MTMR2: variants seen among roughly 807,000 people sequenced by gnomAD.
MTMR2 encodes the protein myotubularin related protein 2.
MTMR2 carries 55 observed loss-of-function variants against 86.9 expected under a neutral mutation model. The observed-to-expected ratio is 0.63, with a 90% CI of 0.51 to 0.79. The LOEUF is 0.79. Ranked by LOEUF, MTMR2 falls within the 30% of genes least tolerant of loss-of-function variation. The pLI, the probability that MTMR2 is intolerant of heterozygous loss-of-function variation, is 0.00. For missense variants in MTMR2, 659 were observed against 772.3 expected, an observed-to-expected ratio of 0.85 and a Z score of 1.74; for synonymous variants, 241 against 266.8, an observed-to-expected ratio of 0.90 and a Z score of 0.94.
chr11:95,835,598 C>G, intron 14 of MTMR2, 147 bp from the exon 15 acceptor site: 1 of 768,110 alleles, frequency 1.3e-6, no homozygotes, highest in Non-Finnish European at 2.2e-6. Context: ...AATACCGGGA[C>G]TGTGGACACC....
At chr11:95,875,091 G>C (rs946397297) in intron 2 of MTMR2, among the ~76,000 whole-genome samples, 2 of 151,906 alleles carry the variant, frequency 1.3e-5, no homozygotes, top group Admixed American at 1.3e-4. Context: ...TGCTCTTCTC[G>C]AGGAGTATCT....
In MTMR2 at chr11:95,847,803, G is replaced by A. The variant is rs776757548; in HGVS notation, c.1090C>T (p.Arg364Ter). 9 of 1,613,372 alleles carry A rather than the reference G, an allele frequency of 5.6e-6. No homozygotes were observed. The highest frequency in any genetic ancestry group is 1.7e-5 in the Admixed American group (1 of 59,970). Residue 364 changes from arginine to a stop codon, truncating the protein, a stop_gained, in exon 10 of 15, where the codon CGA (arginine) becomes TGA (stop). Coordinates refer to ENST00000346299, the MANE Select transcript of MTMR2 (RefSeq NM_016156.6). LOFTEE classifies it high-confidence loss of function. ...HNIHVMRESLRKLKEIVYPNI... is the reference protein window; with the variant it reads ...HNIHVMRESL ...GGGTACACAATCTCCTTAAGTTTTC[G>A]TAATGATTCTCTCATAACATGAATA...
At chr11:95,875,500 AT>A (rs575273419) in intron 2 of MTMR2, among the ~76,000 whole-genome samples, 3 of 150,556 alleles carry the variant, frequency 2.0e-5, no homozygotes, top group Non-Finnish European at 3.0e-5. Flanking sequence ...CATTCGTCTA[AT>A]TTTTTTTTCA....
At chr11:95,858,069 A>G (rs528768400) in intron 6 of MTMR2, among the ~76,000 whole-genome samples, 2 of 152,164 alleles carry the variant, frequency 1.3e-5, no homozygotes, top group Non-Finnish European at 2.9e-5. Flanking sequence ...TTCATCGCTA[A>G]ACAGGGATAA....
At chr11:95,888,720 T>TACACACACACACACACACACAC (rs139869459) in intron 1 of MTMR2, among the ~76,000 whole-genome samples, 2 of 136,784 alleles carry the variant, frequency 1.5e-5, no homozygotes, top group African/African-American at 6.5e-5. Flanking sequence ...CACACACACA[T>TACACACACACACACACACACAC]ACACACACAC....
rs1863078180 is a variant in MTMR2 at position 95,832,881 on chromosome 11, T to TA, written c.*2408dup. 6.6e-6 allele frequency: 1 copy of TA among 152,186 alleles called. No individual in the cohort carries two copies. The highest frequency in any genetic ancestry group is 2.4e-5 in the African/African-American group (1 of 41,456). The allele number at this position is 152,186 out of a possible 1,614,324, so 9.4% of individuals were successfully genotyped here. A position where few individuals can be genotyped will look rare whatever the true frequency, so the allele number is the denominator to read the frequency against. On this transcript the variant is annotated 3_prime_UTR_variant, in exon 15 of 15. Transcript: ENST00000346299. ...TAGAGGAATGTGTCATCCATCCACT[T>TA]ACGTTGTAACAGAGCTTTATTGCAA...
chr11:95,903,897 G>T (rs563041944), intron 1 of MTMR2, among the ~76,000 whole-genome samples: 1 of 152,014 alleles, frequency 6.6e-6, no homozygotes, highest in Non-Finnish European at 1.5e-5. Flanking sequence ...GGCGGATCAC[G>T]AGGTCAGGAG....
At chr11:95,923,662 G>A in intron 1 of MTMR2, 2 of 1,422,840 alleles carry the variant, frequency 1.4e-6, no homozygotes, top group South Asian at 1.5e-5. Context: ...GAAAGGTAGA[G>A]GAATCGATAA....
At chr11:95,892,860 AC>A (rs1865759967) in intron 1 of MTMR2, among the ~76,000 whole-genome samples, 1 of 152,126 alleles carries the variant, frequency 6.6e-6, no homozygotes, top group South Asian at 2.1e-4. Flanking sequence ...CTCTGCCTCA[AC>A]TAACCTCTCC....
intron 7 of MTMR2, among the ~76,000 whole-genome samples, chr11:95,851,801 T>C (rs764686614): frequency 1.3e-5 from 2 of 152,210 alleles, no homozygotes; most frequent in Non-Finnish European, 2.9e-5. Context: ...ATGTTGCTAA[T>C]CTAAAATATA....
At chr11:95,893,050 G>A (rs1865765344) in intron 1 of MTMR2, among the ~76,000 whole-genome samples, 1 of 152,064 alleles carries the variant, frequency 6.6e-6, no homozygotes, top group Admixed American at 6.6e-5. Flanking sequence ...TGGCTTTTCA[G>A]TATACAACCT....
chr11:95,857,415 G>A, intron 7 of MTMR2, 137 bp downstream of exon 7: 1 of 686,442 alleles, frequency 1.5e-6, no homozygotes, highest in Non-Finnish European at 2.6e-6. Context: ...TTTCAAGATT[G>A]AATTCTGCTT....
At chr11:95,873,357 T>A (rs1864970348) in intron 2 of MTMR2, among the ~76,000 whole-genome samples, 1 of 152,214 alleles carries the variant, frequency 6.6e-6, no homozygotes, top group South Asian at 2.1e-4. Flanking sequence ...TGTCGAGGAA[T>A]TTATCCATTT....
At chr11:95,840,406 G>GACTT (rs1444587581) in intron 12 of MTMR2, among the ~76,000 whole-genome samples, 1 of 152,078 alleles carries the variant, frequency 6.6e-6, no homozygotes, top group African/African-American at 2.4e-5. Context: ...GGATTGTAGG[G>GACTT]ACTTAGGTAG....
At chr11:95,918,520 T>G (rs1450646803) in intron 1 of MTMR2, among the ~76,000 whole-genome samples, 1 of 152,248 alleles carries the variant, frequency 6.6e-6, no homozygotes, top group Non-Finnish European at 1.5e-5. Context: ...GCTACATAAT[T>G]ACTATGTCAG....
At chr11:95,879,663 T>C (rs1456658758) in intron 2 of MTMR2, among the ~76,000 whole-genome samples, 6 of 152,156 alleles carry the variant, frequency 3.9e-5, no homozygotes, top group Admixed American at 2.6e-4. Context: ...TTATTCACAA[T>C]GTTCTTCTGT....
intron 1 of MTMR2, among the ~76,000 whole-genome samples, chr11:95,921,108 A>G (rs1036898682): frequency 2.0e-5 from 3 of 152,280 alleles, no homozygotes; most frequent in African/African-American, 7.2e-5. Flanking sequence ...CTAAAGTTTT[A>G]CTAAGCTAAA....
intron 1 of MTMR2, among the ~76,000 whole-genome samples, chr11:95,895,112 A>G (rs565430800): frequency 1.3e-5 from 2 of 151,894 alleles, no homozygotes; most frequent in East Asian, 3.9e-4. Flanking sequence ...ACATTATACC[A>G]CACAAGCATA....
At position 95,834,425 on chromosome 11, in the gene MTMR2, T is replaced by G. The variant is rs1863161455; in HGVS notation, c.*865A>C. Reference sequence around the variant, plus strand: ...ATTTATACAGAATTCAGAAAAAATGTCAATCCTAGTAAGATTTTTAAATAC... The same window carrying G: ...ATTTATACAGAATTCAGAAAAAATGGCAATCCTAGTAAGATTTTTAAATAC... On this transcript the variant is annotated 3_prime_UTR_variant, in exon 15 of 15. Transcript: ENST00000346299. 1 of 152,102 alleles carries G rather than the reference T, an allele frequency of 6.6e-6. No homozygotes were observed. The allele number at this position is 152,102 out of a possible 1,614,324, so 9.4% of individuals were successfully genotyped here. A position where few individuals can be genotyped will look rare whatever the true frequency, so the allele number is the denominator to read the frequency against.
Sources: allele counts gnomAD v4.1 joint callset (sites outside exome capture counted in the v4.1 genomes callset), GRCh38; gene constraint gnomAD v4.1.1; transcripts MANE v1.5; gene names NCBI Gene and HGNC (gene_info 2026-07-23, HGNC 2026-07-21).